Variants in RPAIN observed in about 807,000 individuals in gnomAD.
The protein encoded by RPAIN is RPA-interacting protein.
A neutral mutation model predicts 30.5 loss-of-function variants in RPAIN; 29 were observed. The observed-to-expected ratio is 0.95, with a 90% confidence interval of 0.71 to 1.30. The LOEUF (loss-of-function observed/expected upper bound fraction) is 1.30. Among genes scored for constraint, RPAIN ranks in the 50% most tolerant of loss-of-function variants. The pLI is 0.00. For synonymous variants in RPAIN, 101 were observed against 93.5 expected, an observed-to-expected ratio of 1.08 and a Z score of -0.46; for missense variants, 247 against 264.7, an observed-to-expected ratio of 0.93 and a Z score of 0.46.
At chr17:5,426,353 T>C (rs893343467) in intron 5 of RPAIN, 54 bp downstream of exon 5, 4 of 1,454,774 alleles carry the variant, frequency 2.7e-6, no homozygotes, top group Non-Finnish European at 2.9e-6. Context: ...GGATCTACTT[T>C]CTTGAAGATC....
chr17:5,424,301 TA>T (rs1171411624), intron 3 of RPAIN, among the ~76,000 whole-genome samples: 2 of 152,122 alleles, frequency 1.3e-5, no homozygotes, highest in Non-Finnish European at 2.9e-5. Context: ...CCTAATTTTT[TA>T]AATTTTTTTG....
chr17:5,431,209 A>G, intron 6 of RPAIN: 1 of 336,132 alleles, frequency 3.0e-6, no homozygotes, highest in Non-Finnish European at 5.8e-6. Context: ...AAACACAGCC[A>G]GGCACTGTGG....
intron 6 of RPAIN, 104 bp downstream of exon 6, chr17:5,428,315 C>T (rs747042704): frequency 6.3e-6 from 10 of 1,575,232 alleles, no homozygotes; most frequent in Non-Finnish European, 8.6e-6. Context: ...ATGTTTAATG[C>T]AGTTTATTAT....
Position 5,423,049 on chromosome 17 carries a change from T to A in RPAIN, c.313+220T>A, listed in dbSNP as rs537264624. The A allele has an allele frequency of 6.7e-6, 3 of 446,366 alleles. No homozygotes were observed. The East Asian group carries it at 1.3e-4, about 19-fold the overall frequency. 27.7% of individuals were successfully genotyped at this position (446,366 alleles called of 1,614,324 possible). A position where few individuals can be genotyped will look rare whatever the true frequency, so the allele number is the denominator to read the frequency against. On this transcript the variant is annotated intron_variant, in intron 3 of 6. Transcript: ENST00000381209. ...GTGCTAAGAACTTCTCATTTAATGA[T>A]GCTGTTTTCTCCATGTGACTGCCCT...
intron 5 of RPAIN, 192 bp from the exon 6 acceptor site, chr17:5,427,879 A>T: frequency 3.2e-6 from 2 of 631,410 alleles, no homozygotes; most frequent in South Asian, 3.7e-5. Context: ...GCGTTGGTTA[A>T]TCTGGAGAGG....
chr17:5,423,733 C>T (rs1915096913), intron 3 of RPAIN, among the ~76,000 whole-genome samples: 1 of 151,676 alleles, frequency 6.6e-6, no homozygotes, highest in Non-Finnish European at 1.5e-5. Flanking sequence ...TCCATGTAGC[C>T]CTGATTTGAT....
At chr17:5,429,344 G>T in intron 6 of RPAIN, 3 of 985,470 alleles carry the variant, frequency 3.0e-6, no homozygotes, top group Non-Finnish European at 3.6e-6. Context: ...GAAGAACAAG[G>T]CAGAGAAGCA....
chr17:5,421,267 T>TC (rs200296645), intron 1 of RPAIN, 29 bp from the exon 2 acceptor site: 117 of 1,493,452 alleles, frequency 7.8e-5, no homozygotes, highest in African/African-American at 3.7e-4. Context: ...GCTTTTTTTT[T>TC]CCCCCCCAAT....
At chr17:5,432,501 A>T (rs1461896445) in intron 6 of RPAIN, 41 bp from the exon 7 acceptor site, 1 of 1,578,028 alleles carries the variant, frequency 6.3e-7, no homozygotes, top group South Asian at 1.1e-5. Context: ...TTTCATGACT[A>T]GAATACAATT....
At position 5,426,014 on chromosome 17, in the gene RPAIN, T is replaced by C. The variant is rs1456596480; in HGVS notation, c.357T>C (p.Asp119=). The C allele has an allele frequency of 1.2e-6, 2 of 1,614,068 alleles. No individual in the cohort carries two copies. The highest frequency in any genetic ancestry group is 1.1e-5 in the South Asian group (1 of 90,988). ...AGTATGAGAAGAGCTTGCAGTTTGATGAAAAGTGTCTCAGCATCATGCTGG... is the reference window on the plus strand; with the variant it reads ...AGTATGAGAAGAGCTTGCAGTTTGACGAAAAGTGTCTCAGCATCATGCTGG... ...ISEYEKSLQF[D]EKCLSIMLAE... is the part of the protein sequence containing the mutation. The change falls in exon 4 of 7, where the codon GAT becomes GAC. Residue 119 remains aspartate, a synonymous_variant. Transcript: ENST00000381209.
intron 2 of RPAIN, 112 bp downstream of exon 2, chr17:5,421,578 A>C: frequency 2.2e-6 from 2 of 894,516 alleles, no homozygotes; most frequent in Non-Finnish European, 3.3e-6. Flanking sequence ...CCCTAACCCC[A>C]TTTAGAATTC....
chr17:5,430,970 G>GGCCTAAT (rs1242981228), intron 6 of RPAIN: 1 of 162,492 alleles, frequency 6.2e-6, no homozygotes, highest in African/African-American at 2.4e-5. Context: ...ATTGCCAAGT[G>GGCCTAAT]TACAGCTTCA....
intron 3 of RPAIN, among the ~76,000 whole-genome samples, chr17:5,424,765 C>T (rs981170496): frequency 2.0e-5 from 3 of 152,174 alleles, no homozygotes; most frequent in Non-Finnish European, 4.4e-5. Flanking sequence ...AAGTGCCATG[C>T]AAGTGTTAGT....
intron 5 of RPAIN, chr17:5,426,642 T>A (rs1915421717): frequency 5.9e-6 from 1 of 169,908 alleles, no homozygotes; most frequent in Non-Finnish European, 1.2e-5. Flanking sequence ...TTCAGTAATT[T>A]TTTTTTTTTT....
intron 6 of RPAIN, chr17:5,428,564 C>T: frequency 8.2e-7 from 1 of 1,216,086 alleles, no homozygotes; most frequent in Non-Finnish European, 1.1e-6. Context: ...CGGAAGGAAA[C>T]AGGGCAGAAG....
rs151178461 is a variant in RPAIN, at chr17:5,428,530, T to C, written c.630+319T>C. ...TCATTTCATAGTCATAAGACCCAGA[T>C]AGGCCATGCTGGCACCACTTTTGCG... On this transcript the variant is annotated intron_variant, in intron 6 of 6. Coordinates refer to ENST00000381209, the MANE Select transcript of RPAIN (RefSeq NM_001033002.4). The C allele has an allele frequency of 4.7e-5, 62 of 1,327,700 alleles. 1 individual carries two copies. In the East Asian group the frequency reaches 1.8e-3, roughly 39 times the overall value. 82.2% of individuals were successfully genotyped at this position (1,327,700 alleles called of 1,614,324 possible). A position where few individuals can be genotyped will look rare whatever the true frequency, so the allele number is the denominator to read the frequency against.
intron 6 of RPAIN, chr17:5,428,637 C>T (rs1014750713): frequency 6.1e-6 from 5 of 826,328 alleles, no homozygotes; most frequent in Non-Finnish European, 6.2e-6. Flanking sequence ...AAGGGCTATT[C>T]GCTAACCTGA....
In RPAIN at chr17:5,428,118, T is replaced by C; in HGVS notation, c.537T>C (p.Ser179=). 4 of 1,614,128 alleles carry C rather than the reference T, an allele frequency of 2.5e-6. No homozygotes were observed. The highest frequency in any genetic ancestry group is 3.4e-6 in the Non-Finnish European group (4 of 1,180,016). The change falls in exon 6 of 7, where the codon AGT becomes AGC. Residue 179 remains serine, a synonymous_variant. Transcript: ENST00000381209. ...EQKLRACLEG[S]INEHSAHCPH... is the part of the protein sequence containing the mutation. ...AGCTTCGTGCCTGTTTAGAGGGTAG[T>C]ATAAATGAGCACAGTGCACATTGTC...
chr17:5,431,746 G>C (rs144480957), intron 6 of RPAIN: 1 of 425,574 alleles, frequency 2.3e-6, no homozygotes, highest in African/African-American at 2.0e-5. Flanking sequence ...GGAATGTTTC[G>C]GATGTGGCGG....
Sources: gnomAD v4.1 joint callset for allele counts (sites outside exome capture counted in the v4.1 genomes callset) on GRCh38, gnomAD v4.1.1 for gene constraint, MANE v1.5 for transcripts, NCBI Gene and HGNC (gene_info 2026-07-23, HGNC 2026-07-21) for gene names.